The following MPHOSPH9 variants were observed in gnomAD, a reference collection of about 807,000 sequenced individuals.
MPHOSPH9 encodes M-phase phosphoprotein 9.
A neutral mutation model predicts 145.5 loss-of-function variants in MPHOSPH9; 88 were observed. The ratio of observed to expected loss-of-function variants is 0.60; its 90% CI spans 0.51 to 0.72. The LOEUF is 0.72. Ranked by LOEUF, MPHOSPH9 falls within the 30% of genes least tolerant of loss-of-function variation. The pLI is 0.00. For synonymous variants in MPHOSPH9, 435 were observed against 486.2 expected, an observed-to-expected ratio of 0.89 and a Z score of 1.39; for missense variants, 1,238 against 1,386.6, an observed-to-expected ratio of 0.89 and a Z score of 1.70.
chr12:123,222,571 T>C (rs1168207936), intron 4 of MPHOSPH9, among the ~76,000 whole-genome samples: 1 of 152,070 alleles, frequency 6.6e-6, no homozygotes, highest in African/African-American at 2.4e-5. Context: ...GGAGAATTGC[T>C]TGAACCTGGG....
upstream of MPHOSPH9, among the ~76,000 whole-genome samples, chr12:123,236,628 T>A (rs2047855129): frequency 1.3e-5 from 2 of 151,994 alleles, no homozygotes; most frequent in Non-Finnish European, 2.9e-5. Context: ...TGCTTTGGTT[T>A]GTATATGTTT....
intron 11 of MPHOSPH9, 88 bp downstream of exon 11, chr12:123,202,076 A>T: frequency 7.6e-7 from 1 of 1,315,916 alleles, no homozygotes. Flanking sequence ...GATCCAAAGT[A>T]TTTTCAAAGT....
At chr12:123,189,515 G>A (rs1364899434) in intron 13 of MPHOSPH9, among the ~76,000 whole-genome samples, 1 of 152,128 alleles carries the variant, frequency 6.6e-6, no homozygotes, top group Non-Finnish European at 1.5e-5. Flanking sequence ...AAAGGAAAGT[G>A]GATAAATATA....
Position 123,163,104 on chromosome 12 carries a change from G to GTCAC in MPHOSPH9, c.2935_2938dup (p.Thr980SerfsTer6). On this transcript the variant is annotated frameshift_variant, in exon 20 of 24. Coordinates refer to ENST00000606320, the MANE Select transcript of MPHOSPH9 (RefSeq NM_022782.4). LOFTEE classifies it high-confidence loss of function. The stretch of plus-strand genomic sequence containing the variant: ...GGATCGCTTTGGACTATAAGCCACA[G>GTCAC]TCACTGGTGTTAGCATAATCTCTCT... 1 of 1,588,282 alleles carries GTCAC rather than the reference G, an allele frequency of 6.3e-7. No individual in the cohort carries two copies. Among genetic ancestry groups the GTCAC allele is most frequent in the Non-Finnish European group, 8.5e-7 (1 of 1,172,334 alleles).
At chr12:123,164,219 A>C in intron 18 of MPHOSPH9, 129 bp from the exon 19 acceptor site, 1 of 1,002,678 alleles carries the variant, frequency 1.0e-6, no homozygotes, top group African/African-American at 1.6e-5. Context: ...GTTCTGCTCA[A>C]AGCATTTATT....
chr12:123,236,857 G>A (rs1004356693), upstream of MPHOSPH9, among the ~76,000 whole-genome samples: 3 of 152,064 alleles, frequency 2.0e-5, no homozygotes, highest in Non-Finnish European at 4.4e-5. Flanking sequence ...GCCGAGGCGG[G>A]CGGATCGCCT....
Position 123,194,527 on chromosome 12 carries a change from T to C in MPHOSPH9, c.2100A>G (p.Arg700=). The change falls in exon 13 of 24, where the codon AGA becomes AGG. Residue 700 remains arginine (R), a synonymous_variant. Coordinates refer to ENST00000606320, the MANE Select transcript of MPHOSPH9 (RefSeq NM_022782.4). The part of the protein sequence containing the change: ...KILQERIEEM[R]TSSKEKDNTI... ...TATTGTCTTTTTCTTTACTGCTTGT[T>C]CTCATTTCTTCAATTCGTTCCTGCA... 1 of 1,613,372 alleles carries C rather than the reference T, an allele frequency of 6.2e-7. No homozygotes were observed. Among genetic ancestry groups the C allele is most frequent in the Admixed American group, 1.7e-5 (1 of 59,960 alleles).
chr12:123,159,974 C>G lies in MPHOSPH9; in HGVS notation c.3450+807G>C, dbSNP rs1280990745. 1 of 152,202 alleles carries G rather than the reference C, an allele frequency of 6.6e-6. No homozygotes were observed. Among genetic ancestry groups the G allele is most frequent in the Non-Finnish European group, 1.5e-5 (1 of 68,104 alleles). 9.4% of individuals were successfully genotyped at this position (152,202 alleles called of 1,614,324 possible). On this transcript the variant is annotated intron_variant, in intron 23 of 23. Coordinates refer to ENST00000606320, the MANE Select transcript of MPHOSPH9 (RefSeq NM_022782.4). This position sits in a 1 kb window ranked among gnomAD's most constrained non-coding sequence, Gnocchi z 4.3. ...CTCCACCTTCCAGGTTCGAGCAATT[C>G]TCCTGCCTCAGCCTCCCGAGTAGCT...
chr12:123,199,358 A>T (rs1221705996), intron 11 of MPHOSPH9, among the ~76,000 whole-genome samples: 1 of 152,234 alleles, frequency 6.6e-6, no homozygotes, highest in Non-Finnish European at 1.5e-5. Context: ...ACATAGAAGA[A>T]TTCAGTTACC....
intron 16 of MPHOSPH9, among the ~76,000 whole-genome samples, chr12:123,169,239 T>A (rs2044468270): frequency 6.7e-6 from 1 of 148,826 alleles, no homozygotes; most frequent in African/African-American, 2.5e-5. Context: ...CTCATGCCTA[T>A]AATCCTAGCA....
At chr12:123,203,215 T>C in intron 9 of MPHOSPH9, 35 bp downstream of exon 9, 5 of 1,609,456 alleles carry the variant, frequency 3.1e-6, no homozygotes, top group Non-Finnish European at 3.4e-6. Flanking sequence ...GGAAGCATTG[T>C]TCACGTTCAC....
Position 123,218,464 on chromosome 12 carries a change from T to C in MPHOSPH9, c.908A>G (p.Gln303Arg), listed in dbSNP as rs773737596. The change falls in exon 6 of 24, where the codon CAG becomes CGG. Residue 303 changes from glutamine (Q) to arginine (R), a missense_variant. By Grantham distance (43) the Gln-to-Arg change is conservative (BLOSUM62 1). Around this residue, in one of 3 missense-constraint regions of MPHOSPH9, gnomAD observed 837 missense variants for 897.5 expected, o/e 0.93. Coordinates refer to ENST00000606320, the MANE Select transcript of MPHOSPH9 (RefSeq NM_022782.4). The stretch of plus-strand genomic sequence containing the variant: ...TACATGTGCTCTCTTTGGTTGGTTC[T>C]GCTTCAGTTTTTGTGCCCATGATGT... The part of the protein sequence containing the change: ...AITSWAQKLK[Q>R]NQPKRAHVED... 3 of 1,614,064 alleles carry C rather than the reference T, an allele frequency of 1.9e-6. No homozygotes were observed. Among genetic ancestry groups the C allele is most frequent in the Non-Finnish European group, 2.5e-6 (3 of 1,179,920 alleles).
chr12:123,216,992 AAAATAAATAAAT>A (rs147074304), intron 6 of MPHOSPH9, among the ~76,000 whole-genome samples: 5 of 149,070 alleles, frequency 3.4e-5, no homozygotes, highest in African/African-American at 4.9e-5. Context: ...CCATGTCAAA[AAAATAAATAAAT>A]AAATAAATAA....
At chr12:123,212,866 T>C (rs2046798808) in intron 7 of MPHOSPH9, among the ~76,000 whole-genome samples, 1 of 148,644 alleles carries the variant, frequency 6.7e-6, no homozygotes. Flanking sequence ...TGTTATTCTT[T>C]TTTTTTTTTT....
chr12:123,184,961 A>G (rs1716158), intron 13 of MPHOSPH9, among the ~76,000 whole-genome samples: 98,187 of 151,816 alleles, frequency 0.65, 36,276 homozygotes, highest in East Asian at 1. Flanking sequence ...GCACCATCAC[A>G]CCCAGCTAAT....
Position 123,221,759 on chromosome 12 carries a change from C to A in MPHOSPH9, c.485G>T (p.Arg162Ile), listed in dbSNP as rs138436848. ...QMGFFSLSSE[R>I]NESVIHYPES... Reference sequence around the variant, plus strand: ...AGGATAATGGATAACAGATTCATTTCTCTCACTGCTTAGAGAAAAAAAACC... The same window carrying A: ...AGGATAATGGATAACAGATTCATTTATCTCACTGCTTAGAGAAAAAAAACC... The change falls in exon 5 of 24, where the codon AGA becomes ATA. Residue 162 changes from arginine to isoleucine, a missense_variant. Transcript: ENST00000606320. The A allele has an allele frequency of 2.1e-4, 334 of 1,614,088 alleles. No individual in the cohort carries two copies. In the African/African-American group the frequency reaches 2.5e-3, roughly 12 times the overall value.
chr12:123,222,952 GTA>G (rs878984165), intron 4 of MPHOSPH9, 84 bp downstream of exon 4: 371 of 715,072 alleles, frequency 5.2e-4, no homozygotes, highest in South Asian at 1.1e-3. Context: ...ATGTGTGTGT[GTA>G]TATATATATG....
Position 123,203,057 on chromosome 12 carries a change from T to A in MPHOSPH9, c.1348A>T (p.Met450Leu). ...CCTGAAATCTGCTGCTTTGGCTTCA[T>A]GTGTAACGTAGGATCTAGAGTCAGG... Reference protein sequence around the residue: ...EVLTLDPTLHMKPKQQISGIQ... With the variant: ...EVLTLDPTLHLKPKQQISGIQ... The change falls in exon 10 of 24, where the codon ATG (methionine) becomes TTG (leucine). Residue 450 changes from methionine to leucine, a missense_variant. Transcript: ENST00000606320. 1 of 1,613,942 alleles carries A rather than the reference T, an allele frequency of 6.2e-7. No homozygotes were observed. Among genetic ancestry groups the A allele is most frequent in the Non-Finnish European group, 8.5e-7 (1 of 1,179,914 alleles).
At position 123,202,290 on chromosome 12, in the gene MPHOSPH9, G is replaced by A. The variant is rs1335166436; in HGVS notation, c.1811C>T (p.Ala604Val). The A allele has an allele frequency of 1.2e-6, 2 of 1,608,130 alleles. No individual in the cohort carries two copies. The highest frequency in any genetic ancestry group is 1.3e-5 in the African/African-American group (1 of 74,662). The change falls in exon 11 of 24, where the codon GCT (alanine) becomes GTT (valine). Residue 604 changes from alanine (A) to valine (V), a missense_variant. By Grantham distance (64) the Ala-to-Val change is moderately conservative. Transcript: ENST00000606320. ...AGCTCGAAGATCTGCTATGTGTCGA[G>A]CATGCTTTTCCTTCAGATTCTGCCT... ...KIRQNLKEKH[A>V]RHIADLRAYY...
Sources: gnomAD v4.1 joint callset for allele counts (sites outside exome capture counted in the v4.1 genomes callset) on GRCh38, gnomAD v4.1.1 for gene constraint, gnomAD v4.1.1 regional missense constraint, Gnocchi (gnomAD v3.1) non-coding constraint, MANE v1.5 for transcripts, NCBI Gene and HGNC (gene_info 2026-07-23, HGNC 2026-07-21) for gene names.